BTC: variants seen among roughly 807,000 people sequenced by gnomAD.
BTC encodes the protein betacellulin, also known as probetacellulin.
BTC carries 13 observed loss-of-function variants against 18.1 expected under a neutral mutation model. The observed-to-expected ratio is 0.72, with a 90% CI of 0.47 to 1.14. BTC has a LOEUF of 1.14. BTC is among the 50% of genes most tolerant of loss of function. BTC has a pLI of 0.00. For missense variants in BTC, 247 were observed against 224.2 expected, an observed-to-expected ratio of 1.10 and a Z score of -0.65; for synonymous variants, 83 against 79.4, an observed-to-expected ratio of 1.05 and a Z score of -0.24.
intron 4 of BTC, among the ~76,000 whole-genome samples, chr4:74,748,820 G>A (rs1272371262): frequency 1.3e-5 from 2 of 152,148 alleles, no homozygotes; most frequent in African/African-American, 2.4e-5. Flanking sequence ...TATTAACTGA[G>A]CTTCTAGATA....
intron 1 of BTC, among the ~76,000 whole-genome samples, chr4:74,786,683 G>A (rs1187914251): frequency 1.3e-5 from 2 of 152,120 alleles, no homozygotes; most frequent in Non-Finnish European, 2.9e-5. Flanking sequence ...ATAAACCACT[G>A]GAGAGTGTCC....
intron 1 of BTC, among the ~76,000 whole-genome samples, chr4:74,781,398 T>TGTGTGCGCGC (rs1553959006): frequency 4.5e-4 from 68 of 151,786 alleles, no homozygotes; most frequent in African/African-American, 1.6e-3. Flanking sequence ...TGTGTGTGTG[T>TGTGTGCGCGC]GTGTGTGTGT....
intron 1 of BTC, among the ~76,000 whole-genome samples, chr4:74,781,394 T>TGTGTGTGTGTGC (rs1323924815): frequency 4.0e-4 from 59 of 147,118 alleles, no homozygotes; most frequent in African/African-American, 1.5e-3. Flanking sequence ...CGTGTGTGTG[T>TGTGTGTGTGTGC]GTGTGTGTGT....
intron 1 of BTC, among the ~76,000 whole-genome samples, chr4:74,784,609 A>G (rs1458994414): frequency 6.6e-6 from 1 of 152,132 alleles, no homozygotes; most frequent in Non-Finnish European, 1.5e-5. Context: ...TTCAATACCT[A>G]GTTTATTGAG....
At chr4:74,769,924 A>G in intron 2 of BTC, 134 bp downstream of exon 2, 2 of 637,866 alleles carry the variant, frequency 3.1e-6, no homozygotes, top group Non-Finnish European at 5.2e-6. Flanking sequence ...GTAGTGATTA[A>G]TTACTGTATA....
intron 1 of BTC, among the ~76,000 whole-genome samples, chr4:74,792,915 T>G (rs954808628): frequency 3.3e-5 from 5 of 152,254 alleles, no homozygotes; most frequent in African/African-American, 9.6e-5. Flanking sequence ...GTGCAAGTTC[T>G]AGGGCAGGAA....
At chr4:74,763,782 C>G (rs1298916209) in intron 2 of BTC, among the ~76,000 whole-genome samples, 1 of 151,984 alleles carries the variant, frequency 6.6e-6, no homozygotes, top group Non-Finnish European at 1.5e-5. Context: ...CTAATGTTCT[C>G]TAACACTGTA....
chr4:74,755,861 A>G lies in BTC; in HGVS notation c.279T>C (p.Cys93=). 1 of 1,613,902 alleles carries G rather than the reference A, an allele frequency of 6.2e-7. No individual in the cohort carries two copies. Among genetic ancestry groups the G allele is most frequent in the Non-Finnish European group, 8.5e-7 (1 of 1,179,910 alleles). ...RFVVAEQTPS[C]VCDEGYIGAR... ...CTGGCTGAGGACACTCCACTTACACACAGGAGGGCGTCTGCTCGGCCACCA... is the reference window on the plus strand; with the variant it reads ...CTGGCTGAGGACACTCCACTTACACGCAGGAGGGCGTCTGCTCGGCCACCA... Residue 93 remains cysteine (C), a splice_region_variant and synonymous_variant, in exon 3 of 6, where the codon TGT becomes TGC. Transcript: ENST00000395743.
intron 4 of BTC, 30 bp from the exon 5 acceptor site, chr4:74,748,179 G>A: frequency 7.6e-7 from 1 of 1,314,806 alleles, no homozygotes; most frequent in East Asian, 2.3e-5. Flanking sequence ...AAGTTAGTAT[G>A]GGCCTAGTAG....
At chr4:74,780,270 C>A (rs929775869) in intron 1 of BTC, among the ~76,000 whole-genome samples, 3 of 152,138 alleles carry the variant, frequency 2.0e-5, no homozygotes, top group African/African-American at 7.2e-5. Context: ...AAGACAGATT[C>A]CCAATTAAGA....
intron 4 of BTC, among the ~76,000 whole-genome samples, chr4:74,749,862 A>G (rs1407859555): frequency 1.4e-5 from 2 of 144,906 alleles, no homozygotes; most frequent in African/African-American, 5.1e-5. Context: ...CAAGAGGCTG[A>G]GGCGGGAGGA....
intron 2 of BTC, among the ~76,000 whole-genome samples, chr4:74,761,134 G>GA (rs71657340): frequency 0.22 from 33,664 of 149,988 alleles, 4,031 homozygotes; most frequent in African/African-American, 0.29. Context: ...CCCTTTGGAG[G>GA]AAAAAAAAAA....
chr4:74,789,087 T>G (rs1404699097), intron 1 of BTC, among the ~76,000 whole-genome samples: 1 of 152,244 alleles, frequency 6.6e-6, no homozygotes, highest in East Asian at 1.9e-4. Flanking sequence ...CTATCCCCAC[T>G]GACATTCATT....
intron 2 of BTC, among the ~76,000 whole-genome samples, chr4:74,766,198 C>T (rs1010358286): frequency 1.3e-5 from 2 of 151,926 alleles, no homozygotes; most frequent in Non-Finnish European, 2.9e-5. Context: ...ACATGATGGC[C>T]TAGGACGTTA....
chr4:74,766,493 T>A (rs1724906590), intron 2 of BTC, among the ~76,000 whole-genome samples: 1 of 152,074 alleles, frequency 6.6e-6, no homozygotes, highest in African/African-American at 2.4e-5. Flanking sequence ...TATATTAGAC[T>A]ACCATGAAAA....
intron 4 of BTC, among the ~76,000 whole-genome samples, chr4:74,749,745 C>CAAAAAA (rs71220725): frequency 2.0e-4 from 11 of 54,884 alleles, no homozygotes; most frequent in African/African-American, 7.0e-4. Flanking sequence ...TCCTGCTCTG[C>CAAAAAA]AAAAAAAAAA....
At chr4:74,785,947 C>G (rs1164998739) in intron 1 of BTC, among the ~76,000 whole-genome samples, 1 of 152,136 alleles carries the variant, frequency 6.6e-6, no homozygotes, top group African/African-American at 2.4e-5. Context: ...AGAACAGTGT[C>G]TGGCACATAT....
chr4:74,774,879 T>A (rs1164292348), intron 1 of BTC, among the ~76,000 whole-genome samples: 1 of 152,034 alleles, frequency 6.6e-6, no homozygotes. Flanking sequence ...GCATGGGTGA[T>A]TCAGACACAC....
At chr4:74,771,827 T>C (rs1725051154) in intron 1 of BTC, among the ~76,000 whole-genome samples, 1 of 152,202 alleles carries the variant, frequency 6.6e-6, no homozygotes, top group South Asian at 2.1e-4. Flanking sequence ...GGCTAATGGT[T>C]TTTCCTAAGG....
Sources: gnomAD v4.1 joint callset for allele counts (sites outside exome capture counted in the v4.1 genomes callset) on GRCh38, gnomAD v4.1.1 for gene constraint, MANE v1.5 for transcripts, NCBI Gene and HGNC (gene_info 2026-07-23, HGNC 2026-07-21) for gene names.